The following TRNT1 variants were observed in gnomAD, a reference collection of about 807,000 sequenced individuals.
The protein encoded by TRNT1 is CCA tRNA nucleotidyltransferase 1, mitochondrial.
A neutral mutation model predicts 45.6 loss-of-function variants in TRNT1; 44 were observed. The observed-to-expected ratio is 0.97, with a 90% CI of 0.76 to 1.24. The LOEUF (loss-of-function observed/expected upper bound fraction) is 1.24, where lower values mean the gene tolerates loss of function less well. TRNT1 is among the 50% of genes most tolerant of loss of function. The pLI is 0.00. For missense variants in TRNT1, 633 were observed against 504.4 expected (o/e 1.25, Z -2.44); for synonymous variants, 201 against 171.4 (o/e 1.17, Z -1.35).
chr3:3,137,362 C>G lies in TRNT1; in HGVS notation c.251C>G (p.Ala84Gly), dbSNP rs976462533. The G allele has an allele frequency of 5.0e-6, 8 of 1,613,840 alleles. No homozygotes were observed. The highest frequency in any genetic ancestry group is 1.3e-5 in the African/African-American group (1 of 74,912). Reference protein sequence around the residue: ...KPQDIDFATTATPTQMKEMFQ... With the variant: ...KPQDIDFATTGTPTQMKEMFQ... The stretch of plus-strand genomic sequence containing the variant: ...CAGGATATAGATTTTGCCACCACTG[C>G]TACCCCTACTCAAATGAAGGAGATG... Residue 84 changes from alanine to glycine, a missense_variant, in exon 3 of 8, where the codon GCT becomes GGT. By Grantham distance (60) the Ala-to-Gly change is moderately conservative (BLOSUM62 0). Coordinates refer to ENST00000251607, the MANE Select transcript of TRNT1 (RefSeq NM_182916.3).
At chr3:3,128,931 A>C in intron 1 of TRNT1, 83 bp from the exon 2 acceptor site, 1 of 1,065,534 alleles carries the variant, frequency 9.4e-7, no homozygotes, top group Admixed American at 2.4e-5. Flanking sequence ...TGAGTTGATA[A>C]ACTTGAAATG....
intron 5 of TRNT1, 200 bp downstream of exon 5, chr3:3,144,910 A>C: frequency 3.0e-6 from 1 of 331,168 alleles, no homozygotes; most frequent in Non-Finnish European, 5.1e-6. Context: ...CCCAGAACGC[A>C]CATATACTTT....
intron 3 of TRNT1, 102 bp from the exon 4 acceptor site, chr3:3,140,408 A>C: frequency 8.7e-7 from 1 of 1,143,326 alleles, no homozygotes; most frequent in Admixed American, 2.2e-5. Context: ...GTCAGGGCTT[A>C]TAGTACCATC....
At chr3:3,137,206 A>C (rs1245449917) in intron 2 of TRNT1, 54 bp from the exon 3 acceptor site, 1 of 1,432,908 alleles carries the variant, frequency 7.0e-7, no homozygotes, top group African/African-American at 1.4e-5. Context: ...GGTTAAAATA[A>C]ACACATTGAA....
intron 5 of TRNT1, 28 bp from the exon 6 acceptor site, chr3:3,146,402 A>G (rs754189545): frequency 6.3e-7 from 1 of 1,578,438 alleles, no homozygotes; most frequent in South Asian, 1.1e-5. Context: ...ATATAGAGGT[A>G]ATACCCTGTG....
chr3:3,151,038 A>G, downstream of TRNT1: 1 of 1,613,880 alleles, frequency 6.2e-7, no homozygotes, highest in Non-Finnish European at 8.5e-7. Flanking sequence ...GCAACAGTCC[A>G]GGCATACCTA....
intron 2 of TRNT1, among the ~76,000 whole-genome samples, chr3:3,135,844 G>A (rs1467173179): frequency 3.3e-5 from 5 of 152,194 alleles, no homozygotes; most frequent in African/African-American, 1.2e-4. Flanking sequence ...TGGCAGTGAG[G>A]AGCAACATGC....
intron 2 of TRNT1, among the ~76,000 whole-genome samples, chr3:3,132,942 T>A (rs916424966): frequency 5.9e-5 from 9 of 152,110 alleles, no homozygotes; most frequent in African/African-American, 1.2e-4. Context: ...ATGGAATCTT[T>A]TAGTGCAATG....
At chr3:3,153,385 G>A (rs775474416), downstream of TRNT1, 4 of 1,114,180 alleles carry the variant, frequency 3.6e-6, no homozygotes, top group Non-Finnish European at 5.5e-6. Flanking sequence ...TTATAATTCT[G>A]ATAAGGCAAG....
At chr3:3,143,006 A>C (rs536597569) in intron 4 of TRNT1, among the ~76,000 whole-genome samples, 4 of 152,234 alleles carry the variant, frequency 2.6e-5, no homozygotes, top group Non-Finnish European at 5.9e-5. Context: ...TTACCAATGT[A>C]CTGTTGCTTT....
At chr3:3,133,821 T>C (rs1398293430) in intron 2 of TRNT1, among the ~76,000 whole-genome samples, 3 of 152,076 alleles carry the variant, frequency 2.0e-5, no homozygotes, top group Non-Finnish European at 4.4e-5. Context: ...TCTGTAGTAA[T>C]GCTCACACCA....
At position 3,140,759 on chromosome 3, in the gene TRNT1, C is replaced by T. The variant is rs964087158; in HGVS notation, c.481+111C>T. 2.4e-5 allele frequency: 33 copies of T among 1,356,634 alleles called. No homozygotes were observed. In the African/African-American group the frequency reaches 4.7e-4, roughly 19 times the overall value. 84.0% of individuals were successfully genotyped at this position (1,356,634 alleles called of 1,614,324 possible). On this transcript the variant is annotated intron_variant, in intron 4 of 7. Coordinates refer to ENST00000251607, the MANE Select transcript of TRNT1 (RefSeq NM_182916.3). ...ACTTGAGAAGTTGCATTAATTTCTT[C>T]TAAGAGATGGTTTAGCAGATTGCTT...
At position 3,147,473 on chromosome 3, in the gene TRNT1, G is replaced by A. The variant is rs766270526; in HGVS notation, c.826G>A (p.Glu276Lys). ...YIGLPANASL[E>K]EFDKVSKNVD... ...AGGTTTACCTGCTAATGCAAGTTTAGAAGAATTTGACAAAGTCAGTAAAAA... is the reference window on the plus strand; with the variant it reads ...AGGTTTACCTGCTAATGCAAGTTTAAAAGAATTTGACAAAGTCAGTAAAAA... The change falls in exon 7 of 8, where the codon GAA (glutamate) becomes AAA (lysine). Residue 276 changes from glutamate to lysine, a missense_variant. By Grantham distance (56) the Glu-to-Lys change is moderately conservative. Transcript: ENST00000251607. 1.1e-5 allele frequency: 17 copies of A among 1,613,480 alleles called. No individual in the cohort carries two copies. The Admixed American group carries it at 2.5e-4, about 24-fold the overall frequency.
chr3:3,151,017 T>G (rs751645075), downstream of TRNT1: 2 of 1,613,784 alleles, frequency 1.2e-6, no homozygotes, highest in Admixed American at 3.3e-5. Flanking sequence ...CTTGCACAGA[T>G]CTTACACTGG....
intron 2 of TRNT1, among the ~76,000 whole-genome samples, chr3:3,135,447 G>A (rs1374773197): frequency 1.3e-5 from 2 of 152,072 alleles, no homozygotes; most frequent in South Asian, 2.1e-4. Context: ...TCTAGATGGT[G>A]GAGGCTGGAT....
chr3:3,148,302 T>C lies in TRNT1; in HGVS notation c.*148T>C, dbSNP rs1253304112. 2 of 784,284 alleles carry C rather than the reference T, an allele frequency of 2.6e-6. No individual in the cohort carries two copies. The highest frequency in any genetic ancestry group is 1.8e-5 in the African/African-American group (1 of 56,980). The allele number at this position is 784,284 out of a possible 1,614,324, so 48.6% of individuals were successfully genotyped here. A position where few individuals can be genotyped will look rare whatever the true frequency, so the allele number is the denominator to read the frequency against. On this transcript the variant is annotated 3_prime_UTR_variant, in exon 8 of 8. Coordinates refer to ENST00000251607, the MANE Select transcript of TRNT1 (RefSeq NM_182916.3). Reference sequence around the variant, plus strand: ...CAAGGGTCTTATTTTGTGAATTATATATTTCAAGAACTAAACAGAGATCCA... The same window carrying C: ...CAAGGGTCTTATTTTGTGAATTATACATTTCAAGAACTAAACAGAGATCCA...
chr3:3,131,200 C>T (rs908299425), intron 2 of TRNT1: 3 of 152,088 alleles, frequency 2.0e-5, no homozygotes, highest in African/African-American at 4.8e-5. Flanking sequence ...TCAGTAAGTA[C>T]AAGTGGCTGC....
chr3:3,128,406 G>T (rs1238446086), intron 1 of TRNT1, among the ~76,000 whole-genome samples: 2 of 152,032 alleles, frequency 1.3e-5, no homozygotes, highest in Admixed American at 1.3e-4. Context: ...AGAGCAGTCT[G>T]GCCAACGTGG....
At chr3:3,141,296 G>C (rs1003158229) in intron 4 of TRNT1, among the ~76,000 whole-genome samples, 6 of 152,058 alleles carry the variant, frequency 3.9e-5, no homozygotes, top group African/African-American at 1.5e-4. Context: ...TCAGGGAAGA[G>C]AAGTGCACAC....
Sources: allele counts gnomAD v4.1 joint callset (sites outside exome capture counted in the v4.1 genomes callset), GRCh38; gene constraint gnomAD v4.1.1; transcripts MANE v1.5; gene names NCBI Gene and HGNC (gene_info 2026-07-23, HGNC 2026-07-21).